The following NELFA variants were observed in gnomAD, a reference collection of about 807,000 sequenced individuals.
NELFA encodes negative elongation factor A.
NELFA carries 35 observed loss-of-function variants against 51.8 expected under a neutral mutation model. That is an observed-to-expected ratio of 0.68 (90% confidence interval 0.52 to 0.90). The LOEUF (loss-of-function observed/expected upper bound fraction) is 0.90, where lower values mean the gene tolerates loss of function less well. Ranked by LOEUF, NELFA falls within the 40% of genes least tolerant of loss-of-function variation. The probability of loss-of-function intolerance (pLI) is 0.00; values close to 1 mark genes in which losing one functional copy is unlikely to be tolerated. For synonymous variants in NELFA, 417 were observed against 338.4 expected (o/e 1.23, Z -2.55); for missense variants, 658 against 746.4 (o/e 0.88, Z 1.38).
intron 1 of NELFA, among the ~76,000 whole-genome samples, chr4:1,998,620 C>T (rs551541261): frequency 7.3e-5 from 11 of 150,986 alleles, no homozygotes; most frequent in African/African-American, 2.2e-4. Context: ...TGAAAAGGAA[C>T]GAACAAAGCC....
At position 1,984,126 on chromosome 4, in the gene NELFA, C is replaced by G. The variant is rs192674889; in HGVS notation, c.1037-13G>C. 2.0e-6 allele frequency: 3 copies of G among 1,536,176 alleles called. No individual in the cohort carries two copies. Among genetic ancestry groups the G allele is most frequent in the Non-Finnish European group, 1.7e-6 (2 of 1,148,882 alleles). On this transcript the variant is annotated splice_polypyrimidine_tract_variant and intron_variant, in intron 8 of 10. Transcript: ENST00000382882. Reference sequence around the variant, plus strand: ...CGGGAAGATGGGGCTGCAAGTAGACCGGGGCCTGGTGAGGGGGCTGGACCC... The same window carrying G: ...CGGGAAGATGGGGCTGCAAGTAGACGGGGGCCTGGTGAGGGGGCTGGACCC...
intron 1 of NELFA, among the ~76,000 whole-genome samples, chr4:1,996,067 T>C (rs556775388): frequency 1.3e-5 from 2 of 152,268 alleles, no homozygotes; most frequent in South Asian, 4.1e-4. Flanking sequence ...CACTGAGCAA[T>C]GGATTTCAAA....
intron 3 of NELFA, among the ~76,000 whole-genome samples, chr4:1,988,673 T>C (rs1448271305): frequency 6.6e-6 from 1 of 152,262 alleles, no homozygotes; most frequent in East Asian, 1.9e-4. Flanking sequence ...ATGTACATTA[T>C]AAATATTAAT....
chr4:1,997,136 C>T lies in NELFA; in HGVS notation c.211-5421G>A, dbSNP rs533326082. ...TAAAACAAACAAAAAAAACAAAACC[C>T]ATAAAAACAAAAATCAATACTGAAA... On this transcript the variant is annotated intron_variant, in intron 1 of 10. Transcript: ENST00000382882. Among the ~76,000 whole-genome samples the T allele has an allele frequency of 2.0e-3, 303 of 152,098 alleles. 2 individuals are homozygous for T. The highest frequency in any genetic ancestry group is 6.8e-3 in the Middle Eastern group (2 of 292).
At chr4:1,998,830 C>T (rs1268479899) in intron 1 of NELFA, among the ~76,000 whole-genome samples, 2 of 152,070 alleles carry the variant, frequency 1.3e-5, no homozygotes, top group Non-Finnish European at 2.9e-5. Context: ...AGATCAACCC[C>T]AAGACACATA....
At position 1,993,587 on chromosome 4, in the gene NELFA, AAAAG is replaced by A. The variant is rs545034701; in HGVS notation, c.211-1876_211-1873del. 2.7e-3 allele frequency among the ~76,000 whole-genome samples: 411 copies of A among 151,830 alleles called. 1 individual carries two copies. Among genetic ancestry groups the A allele is most frequent in the Middle Eastern group, 0.01 (3 of 294 alleles). On this transcript the variant is annotated intron_variant, in intron 1 of 10. Transcript: ENST00000382882. ...GAGCGAAACTCCATCTCAAAAAAAA[AAAAG>A]AAAGAAAGAAAGAAAAAGAAAAGAA...
chr4:1,984,858 G>A lies in NELFA; in HGVS notation c.986C>T (p.Pro329Leu). The A allele has an allele frequency of 6.3e-7, 1 of 1,579,666 alleles. No individual in the cohort carries two copies. The highest frequency in any genetic ancestry group is 1.3e-5 in the African/African-American group (1 of 74,532). ...GTAGGAGGAGGCGGGAACCACGCTG[G>A]GCGTGGAGGGAAGGTAGCTCGTGGA... ...LPSTSYLPST[P>L]SVVPASSYIP... is the part of the protein sequence containing the mutation. Residue 329 changes from proline to leucine, a missense_variant, in exon 8 of 11, where the codon CCC becomes CTC. By Grantham distance (98) the Pro-to-Leu change is moderately conservative. Around this residue, in one of 3 missense-constraint regions of NELFA, gnomAD observed 200 missense variants for 167.9 expected, o/e 1.19. Coordinates refer to ENST00000382882, the MANE Select transcript of NELFA (RefSeq NM_005663.5).
intron 8 of NELFA, among the ~76,000 whole-genome samples, chr4:1,984,539 C>G (rs1442635193): frequency 1.3e-5 from 2 of 152,232 alleles, no homozygotes; most frequent in Non-Finnish European, 2.9e-5. Flanking sequence ...TGGCAGAAAA[C>G]CCTTTCGAAC....
intron 3 of NELFA, among the ~76,000 whole-genome samples, chr4:1,988,323 T>C (rs1284990455): frequency 1.3e-5 from 2 of 152,246 alleles, no homozygotes; most frequent in African/African-American, 4.8e-5. Context: ...GGCCTCCCCC[T>C]GGCCCAGTGG....
At chr4:1,985,927 G>A in intron 6 of NELFA, 63 bp from the exon 7 acceptor site, 1 of 1,454,058 alleles carries the variant, frequency 6.9e-7, no homozygotes, top group East Asian at 2.5e-5. Flanking sequence ...GCTCAGGGCA[G>A]CGGCAGGGAA....
chr4:1,986,434 G>T, intron 4 of NELFA, 32 bp from the exon 5 acceptor site: 1 of 1,609,920 alleles, frequency 6.2e-7, no homozygotes, highest in Non-Finnish European at 8.5e-7. Flanking sequence ...GGCGCCAGCA[G>T]CAGTGACCGG....
chr4:2,002,282 G>C (rs1166661018), intron 1 of NELFA, among the ~76,000 whole-genome samples: 2 of 152,110 alleles, frequency 1.3e-5, no homozygotes, highest in African/African-American at 2.4e-5. Context: ...GGAAGAATCA[G>C]TATCATGAAA....
intron 1 of NELFA, among the ~76,000 whole-genome samples, chr4:2,008,263 G>A (rs575939222): frequency 9.3e-4 from 142 of 152,146 alleles, no homozygotes; most frequent in Non-Finnish European, 1.6e-3. Context: ...GGGGATTAGG[G>A]TGGTGAGGAC....
Position 1,994,384 on chromosome 4 carries a change from G to A in NELFA, c.211-2669C>T, listed in dbSNP as rs1252123897. On this transcript the variant is annotated intron_variant, in intron 1 of 10. Coordinates refer to ENST00000382882, the MANE Select transcript of NELFA (RefSeq NM_005663.5). ...GTTCGAGATCAGCCTGTCCAACATG[G>A]CGAAACCCCATCTCTACTGAAAATA... 2.6e-5 allele frequency among the ~76,000 whole-genome samples: 4 copies of A among 152,100 alleles called. 1 individual carries two copies. The highest frequency in any genetic ancestry group is 5.9e-5 in the Non-Finnish European group (4 of 68,024).
chr4:1,988,595 G>C lies in NELFA; in HGVS notation c.545-588C>G, dbSNP rs577272291. On this transcript the variant is annotated intron_variant, in intron 3 of 10. Coordinates refer to ENST00000382882, the MANE Select transcript of NELFA (RefSeq NM_005663.5). ...CAGCGCTGGGCCCTGGCTGCTGCCC[G>C]TTCCAGCCAAGATCCATGCACAGCT... Among the ~76,000 whole-genome samples, 4 of 152,360 alleles carry C rather than the reference G, an allele frequency of 2.6e-5. No homozygotes were observed. In the South Asian group the frequency reaches 8.3e-4, roughly 32 times the overall value.
chr4:1,985,587 C>G (rs1380810917), intron 7 of NELFA, among the ~76,000 whole-genome samples, 189 bp downstream of exon 7: 1 of 152,236 alleles, frequency 6.6e-6, no homozygotes, highest in Non-Finnish European at 1.5e-5. Flanking sequence ...AAGCCTGAGT[C>G]AGATGCCCAT....
In NELFA at chr4:2,008,785, C is replaced by T; in HGVS notation, c.175G>A (p.Gly59Arg). The change falls in exon 1 of 11, where the codon GGG (glycine) becomes AGG (arginine). Residue 59 changes from glycine (G) to arginine (R), a missense_variant. Gly to Arg is a moderately radical substitution (Grantham distance 125). Transcript: ENST00000382882. ...SSAVKLKLLLGTLHLPRRTVD... is the reference protein window; with the variant it reads ...SSAVKLKLLLRTLHLPRRTVD... The stretch of plus-strand genomic sequence containing the variant: ...GTGCGGCGCGGGAGGTGCAGCGTCC[C>T]GAGTAGCAACTTGAGCTTCACTGCC... 1.2e-6 allele frequency: 2 copies of T among 1,612,334 alleles called. No homozygotes were observed. Among genetic ancestry groups the T allele is most frequent in the Non-Finnish European group, 1.7e-6 (2 of 1,179,454 alleles).
At position 1,989,635 on chromosome 4, in the gene NELFA, G is replaced by C; in HGVS notation, c.544+73C>G. The C allele has an allele frequency of 6.6e-7, 1 of 1,509,640 alleles. No homozygotes were observed. The allele number at this position is 1,509,640 out of a possible 1,614,324, so 93.5% of individuals were successfully genotyped here. A position where few individuals can be genotyped will look rare whatever the true frequency, so the allele number is the denominator to read the frequency against. On this transcript the variant is annotated intron_variant, in intron 3 of 10. Coordinates refer to ENST00000382882, the MANE Select transcript of NELFA (RefSeq NM_005663.5). This position sits in a 1 kb window ranked among gnomAD's most constrained non-coding sequence, Gnocchi z 4.8. Reference sequence around the variant, plus strand: ...ACGCCACCTTGAAGGGGCAGTCTTGGTACCTTAGAACCTAAGAAACCTATG... The same window carrying C: ...ACGCCACCTTGAAGGGGCAGTCTTGCTACCTTAGAACCTAAGAAACCTATG...
At position 2,007,084 on chromosome 4, in the gene NELFA, C is replaced by T. The variant is rs1187646321; in HGVS notation, c.210+1666G>A. ...ACCAGCCTGGGCAGCATGGTGAAAC[C>T]CTGTAGTCCCAGCTACTCAGGAGGC... is the stretch of plus-strand genomic sequence containing the variant. On this transcript the variant is annotated intron_variant, in intron 1 of 10. Transcript: ENST00000382882. 4 of 375,308 alleles carry T rather than the reference C, an allele frequency of 1.1e-5. No homozygotes were observed. In the East Asian group the frequency reaches 3.6e-4, roughly 33 times the overall value. 23.2% of individuals were successfully genotyped at this position (375,308 alleles called of 1,614,324 possible).
Sources: gnomAD v4.1 joint callset for allele counts (sites outside exome capture counted in the v4.1 genomes callset) on GRCh38, gnomAD v4.1.1 for gene constraint, gnomAD v4.1.1 regional missense constraint, Gnocchi (gnomAD v3.1) non-coding constraint, MANE v1.5 for transcripts, NCBI Gene and HGNC (gene_info 2026-07-23, HGNC 2026-07-21) for gene names.